The following PACRG variants were observed in gnomAD, a reference collection of about 807,000 sequenced individuals.
PACRG encodes the protein parkin coregulated.
A neutral mutation model predicts 29.7 loss-of-function variants in PACRG; 29 were observed. The ratio of observed to expected loss-of-function variants is 0.98; its 90% CI spans 0.73 to 1.33. The LOEUF (loss-of-function observed/expected upper bound fraction) is 1.33, where lower values mean the gene tolerates loss of function less well. PACRG is among the 40% of genes most tolerant of loss of function. The pLI, the probability that PACRG is intolerant of heterozygous loss-of-function variation, is 0.00. For missense variants in PACRG, 279 were observed against 316.2 expected (o/e 0.88, Z 0.89); for synonymous variants, 116 against 118.7 (o/e 0.98, Z 0.15).
intron 4 of PACRG, among the ~76,000 whole-genome samples, chr6:163,300,353 C>T (rs1784942592): frequency 6.6e-6 from 1 of 152,222 alleles, no homozygotes; most frequent in African/African-American, 2.4e-5. Flanking sequence ...GCTGAAGAGT[C>T]TGGAAGAGGA....
intron 4 of PACRG, among the ~76,000 whole-genome samples, chr6:163,192,726 G>T (rs1780270845): frequency 6.6e-6 from 1 of 152,118 alleles, no homozygotes; most frequent in Admixed American, 6.6e-5. Flanking sequence ...ATTTAGACTT[G>T]ATGAGAGAAC....
chr6:162,867,131 A>G (rs1046176551), intron 2 of PACRG, among the ~76,000 whole-genome samples: 2 of 152,174 alleles, frequency 1.3e-5, no homozygotes, highest in Non-Finnish European at 2.9e-5. Flanking sequence ...CCAGCGGCTC[A>G]GTACCAAATG....
chr6:162,917,535 A>G lies in PACRG; in HGVS notation c.291+103254A>G, dbSNP rs530686238. On this transcript the variant is annotated intron_variant, in intron 2 of 4. Coordinates refer to ENST00000366888, the MANE Select transcript of PACRG (RefSeq NM_001080379.2). ...CTGTCTCCATATCCATTTTAGAGAA[A>G]AATTAGAAGAGATAGATTTGGGTTC... 3.3e-5 allele frequency among the ~76,000 whole-genome samples: 5 copies of G among 152,288 alleles called. No individual in the cohort carries two copies. The South Asian group carries it at 6.2e-4, about 19-fold the overall frequency.
chr6:163,018,808 T>G (rs1274843185), intron 2 of PACRG, among the ~76,000 whole-genome samples: 2 of 152,126 alleles, frequency 1.3e-5, no homozygotes, highest in African/African-American at 4.8e-5. Context: ...TCCGTTGCTT[T>G]GAGCTTCTTG....
chr6:162,946,327 C>A (rs1799005480), intron 2 of PACRG, among the ~76,000 whole-genome samples: 1 of 151,806 alleles, frequency 6.6e-6, no homozygotes, highest in Non-Finnish European at 1.5e-5. Flanking sequence ...TGATAACCAC[C>A]AAAATGCAAA....
At chr6:162,754,733 C>T (rs546074339) in intron 1 of PACRG, among the ~76,000 whole-genome samples, 2 of 152,124 alleles carry the variant, frequency 1.3e-5, no homozygotes, top group South Asian at 4.2e-4. Flanking sequence ...TGTATTTTCC[C>T]CATTGTGTGT....
At chr6:163,281,389 G>A (rs1784223080) in intron 4 of PACRG, among the ~76,000 whole-genome samples, 1 of 152,196 alleles carries the variant, frequency 6.6e-6, no homozygotes, top group Non-Finnish European at 1.5e-5. Flanking sequence ...ATCTGCATGG[G>A]ATGGAAGTGG....
rs1051992039 is a variant in PACRG, at chr6:163,062,094, C to A, written c.292-56C>A. ...GGGTGACAGCTGCATAGCTTGTCTGCCGTGCTCTGCCCGAATGCTGTTTTC... is the reference window on the plus strand; with the variant it reads ...GGGTGACAGCTGCATAGCTTGTCTGACGTGCTCTGCCCGAATGCTGTTTTC... On this transcript the variant is annotated intron_variant, in intron 2 of 4. Transcript: ENST00000366888. 74 of 1,574,500 alleles carry A rather than the reference C, an allele frequency of 4.7e-5. 1 individual carries two copies. In the South Asian group the frequency reaches 7.9e-4, roughly 17 times the overall value.
intron 4 of PACRG, among the ~76,000 whole-genome samples, chr6:163,269,947 G>C (rs56176093): frequency 0.013 from 481 of 35,868 alleles, 21 homozygotes; most frequent in African/African-American, 0.044. Context: ...AAGAAAGAAA[G>C]AAAGAAAGAA....
In PACRG at chr6:163,171,268, G is replaced by GAA. The variant is rs72016054; in HGVS notation, c.613+81869_613+81870dup. Among the ~76,000 whole-genome samples, 874 of 148,992 alleles carry GAA rather than the reference G, an allele frequency of 5.9e-3. 8 individuals carry two copies. The highest frequency in any genetic ancestry group is 0.018 in the African/African-American group (750 of 40,768). ...TAGTAGTCAAGATGAGAAAAGAAAA[G>GAA]AAAAAAAAAATCACAGATCAAAGGG... On this transcript the variant is annotated intron_variant, in intron 4 of 4. Coordinates refer to ENST00000366888, the MANE Select transcript of PACRG (RefSeq NM_001080379.2).
chr6:162,874,152 AT>A (rs199636549), intron 2 of PACRG, among the ~76,000 whole-genome samples: 16,300 of 76,254 alleles, frequency 0.21, 956 homozygotes, highest in East Asian at 0.36. Context: ...AAAAAAAAAA[AT>A]ATATATATAT....
intron 4 of PACRG, among the ~76,000 whole-genome samples, chr6:163,274,908 G>A (rs1336823251): frequency 2.1e-5 from 3 of 139,720 alleles, no homozygotes; most frequent in Admixed American, 1.5e-4. Flanking sequence ...TGCCCAGGCT[G>A]GAATGATGCA....
At chr6:162,874,621 C>G (rs1244186441) in intron 2 of PACRG, among the ~76,000 whole-genome samples, 1 of 152,164 alleles carries the variant, frequency 6.6e-6, no homozygotes, top group Non-Finnish European at 1.5e-5. Context: ...ATGGACACCC[C>G]CCAATGTGGC....
chr6:163,144,556 G>A (rs549152302), intron 4 of PACRG, among the ~76,000 whole-genome samples: 46 of 152,170 alleles, frequency 3.0e-4, no homozygotes, highest in African/African-American at 4.3e-4. Context: ...ATCACCTGAG[G>A]TCAGGAGTTC....
At chr6:162,894,009 C>T (rs1362823452) in intron 2 of PACRG, among the ~76,000 whole-genome samples, 1 of 152,156 alleles carries the variant, frequency 6.6e-6, no homozygotes, top group Non-Finnish European at 1.5e-5. Flanking sequence ...CAAAGGCACA[C>T]CACAGCAAGG....
chr6:163,196,007 C>G (rs1287609008), intron 4 of PACRG, among the ~76,000 whole-genome samples: 1 of 152,148 alleles, frequency 6.6e-6, no homozygotes, highest in East Asian at 1.9e-4. Context: ...CCAGAGACCC[C>G]CTACGAGCTG....
intron 2 of PACRG, among the ~76,000 whole-genome samples, chr6:162,996,262 C>T (rs926038524): frequency 6.6e-6 from 1 of 151,882 alleles, no homozygotes; most frequent in African/African-American, 2.4e-5. Flanking sequence ...AGCTGTATAC[C>T]CTAAATATAT....
rs145599321 is a variant in PACRG at position 162,835,628 on chromosome 6, G to A, written c.291+21347G>A. ...TCATGCATCTCGACAATGAAAAACCGAAGGGTTTGTGAAATTCTATCCTAA... is the reference window on the plus strand; with the variant it reads ...TCATGCATCTCGACAATGAAAAACCAAAGGGTTTGTGAAATTCTATCCTAA... On this transcript the variant is annotated intron_variant, in intron 2 of 4. Transcript: ENST00000366888. Among the ~76,000 whole-genome samples, 1,026 of 152,170 alleles carry A rather than the reference G, an allele frequency of 6.7e-3. 8 individuals are homozygous for A. Among genetic ancestry groups the A allele is most frequent in the African/African-American group, 0.024 (977 of 41,536 alleles).
chr6:163,079,100 C>G (rs1812828963), intron 3 of PACRG, among the ~76,000 whole-genome samples: 1 of 151,998 alleles, frequency 6.6e-6, no homozygotes, highest in Admixed American at 6.6e-5. Flanking sequence ...AACTGATTGC[C>G]CAGAGACACT....
Sources: gnomAD v4.1 joint callset for allele counts (sites outside exome capture counted in the v4.1 genomes callset) on GRCh38, gnomAD v4.1.1 for gene constraint, MANE v1.5 for transcripts, NCBI Gene and HGNC (gene_info 2026-07-23, HGNC 2026-07-21) for gene names.